The following TMCO5A variants were observed in gnomAD, a reference collection of about 807,000 sequenced individuals.
The protein encoded by TMCO5A is transmembrane and coiled-coil domains 5A, also known as transmembrane and coiled-coil domain-containing protein 5A.
Under a neutral mutation model 42.3 loss-of-function variants are expected in TMCO5A, and 34 were observed. The ratio of observed to expected loss-of-function variants is 0.80; its 90% confidence interval spans 0.61 to 1.07. The LOEUF (loss-of-function observed/expected upper bound fraction) is 1.07. TMCO5A is among the 50% of genes least tolerant of loss of function. The pLI is 0.00. For synonymous variants in TMCO5A, 131 were observed against 115.6 expected (o/e 1.13, Z -0.86); for missense variants, 357 against 327.9 (o/e 1.09, Z -0.69).
chr15:37,978,421 G>C, the TMCO5A span, among the ~76,000 whole-genome samples: 2 of 152,230 alleles, frequency 1.3e-5, no homozygotes, highest in African/African-American at 4.8e-5. Flanking sequence ...TCAGGGGTGG[G>C]GCAGCTGCTC....
intron 11 of TMCO5A, among the ~76,000 whole-genome samples, chr15:37,950,278 T>C (rs1412361648): frequency 7.3e-6 from 1 of 137,850 alleles, no homozygotes; most frequent in East Asian, 2.2e-4. Context: ...AATATAAGTA[T>C]ATTTCAGGTC....
At chr15:37,966,007 G>T (rs1890547028) in intron 11 of TMCO5A, among the ~76,000 whole-genome samples, 1 of 152,094 alleles carries the variant, frequency 6.6e-6, no homozygotes. Flanking sequence ...ATCAACCTAA[G>T]TGCCCATCAA....
intron 11 of TMCO5A, among the ~76,000 whole-genome samples, chr15:37,961,813 A>G (rs911927129): frequency 4.6e-5 from 7 of 151,804 alleles, no homozygotes; most frequent in African/African-American, 1.7e-4. Flanking sequence ...AAGGGGTTGA[A>G]TTCTTGATTT....
the TMCO5A span, among the ~76,000 whole-genome samples, chr15:38,034,691 T>C: frequency 2.0e-5 from 3 of 152,124 alleles, no homozygotes; most frequent in East Asian, 1.9e-4. Flanking sequence ...CAAATATTTA[T>C]ATGAAGTTCC....
At chr15:37,973,267 G>C in the TMCO5A span, among the ~76,000 whole-genome samples, 1 of 151,422 alleles carries the variant, frequency 6.6e-6, no homozygotes, top group African/African-American at 2.4e-5. Context: ...TATTGCCTTG[G>C]CTATTGGGGC....
At chr15:38,012,170 G>C in the TMCO5A span, among the ~76,000 whole-genome samples, 2 of 151,962 alleles carry the variant, frequency 1.3e-5, no homozygotes, top group Non-Finnish European at 2.9e-5. Flanking sequence ...TATGTGGTGA[G>C]AGGGTTTTCA....
chr15:37,955,173 G>T (rs1890253857), downstream of TMCO5A, among the ~76,000 whole-genome samples: 1 of 150,262 alleles, frequency 6.7e-6, no homozygotes, highest in Admixed American at 6.7e-5. Flanking sequence ...TTACAAACAG[G>T]ACCCAAGGAT....
At chr15:38,031,361 C>T in the TMCO5A span, among the ~76,000 whole-genome samples, 1 of 152,196 alleles carries the variant, frequency 6.6e-6, no homozygotes, top group Non-Finnish European at 1.5e-5. Context: ...GTCTTCACAT[C>T]TTTGTCCCTC....
intron 11 of TMCO5A, 99 bp from the exon 12 acceptor site, chr15:37,950,937 A>C: frequency 9.9e-7 from 1 of 1,009,550 alleles, no homozygotes. Flanking sequence ...ATCCATTTGA[A>C]TATCAATTAG....
At chr15:38,012,467 A>C in the TMCO5A span, among the ~76,000 whole-genome samples, 1 of 152,148 alleles carries the variant, frequency 6.6e-6, no homozygotes, top group Non-Finnish European at 1.5e-5. Flanking sequence ...TCTCAGTGCT[A>C]GTTAAGGACA....
chr15:38,034,282 CAT>C, the TMCO5A span, among the ~76,000 whole-genome samples: 1 of 152,146 alleles, frequency 6.6e-6, no homozygotes, highest in Non-Finnish European at 1.5e-5. Context: ...TAAGTTTCAA[CAT>C]ATTAATTTTA....
chr15:37,957,658 A>T (rs1890324604), intron 11 of TMCO5A, among the ~76,000 whole-genome samples: 1 of 152,226 alleles, frequency 6.6e-6, no homozygotes, highest in African/African-American at 2.4e-5. Context: ...GAAAATGGCC[A>T]TACTTCCCAA....
At chr15:37,991,663 TC>T in the TMCO5A span, among the ~76,000 whole-genome samples, 1 of 152,138 alleles carries the variant, frequency 6.6e-6, no homozygotes, top group African/African-American at 2.4e-5. Context: ...CTCAATTGTT[TC>T]TTAGGCTTGC....
the TMCO5A span, among the ~76,000 whole-genome samples, chr15:37,975,720 C>A: frequency 6.6e-6 from 1 of 151,000 alleles, no homozygotes; most frequent in African/African-American, 2.5e-5. Context: ...TTAATTGGGG[C>A]ATTTAGCCAA....
intron 11 of TMCO5A, among the ~76,000 whole-genome samples, chr15:37,966,095 A>G (rs1890548716): frequency 6.6e-6 from 1 of 152,140 alleles, no homozygotes; most frequent in Non-Finnish European, 1.5e-5. Flanking sequence ...ATGAGATTCC[A>G]TCATTTGCAT....
At chr15:38,037,685 AG>A in the TMCO5A span, among the ~76,000 whole-genome samples, 1 of 152,194 alleles carries the variant, frequency 6.6e-6, no homozygotes, top group South Asian at 2.1e-4. Flanking sequence ...CCCACATCAT[AG>A]AGAGGTGAAA....
intron 1 of TMCO5A, among the ~76,000 whole-genome samples, chr15:37,934,978 G>A (rs957105874): frequency 2.6e-5 from 4 of 151,966 alleles, no homozygotes; most frequent in African/African-American, 9.7e-5. Flanking sequence ...ACTTCCACAG[G>A]GTTTTATGTT....
chr15:38,009,523 A>C, the TMCO5A span, among the ~76,000 whole-genome samples: 2 of 152,222 alleles, frequency 1.3e-5, no homozygotes, highest in Non-Finnish European at 2.9e-5. Context: ...GCCTCTCCTT[A>C]AAAAGACGTT....
At chr15:37,971,837 C>T (rs1400472540), downstream of TMCO5A, among the ~76,000 whole-genome samples, 1 of 152,166 alleles carries the variant, frequency 6.6e-6, no homozygotes, top group Non-Finnish European at 1.5e-5. Context: ...TCTGAGACCG[C>T]CTCAGCCTGG....
Sources: allele counts gnomAD v4.1 joint callset (sites outside exome capture counted in the v4.1 genomes callset), GRCh38; gene constraint gnomAD v4.1.1; transcripts MANE v1.5; gene names NCBI Gene and HGNC (gene_info 2026-07-23, HGNC 2026-07-21).